The following MTMR3 variants were observed in gnomAD, a reference collection of about 807,000 sequenced individuals.
MTMR3 encodes the protein myotubularin related protein 3.
A neutral mutation model predicts 132.4 loss-of-function variants in MTMR3; 32 were observed. The ratio of observed to expected loss-of-function variants is 0.24; its 90% CI spans 0.18 to 0.32. The LOEUF (loss-of-function observed/expected upper bound fraction) is 0.32, where lower values mean the gene tolerates loss of function less well. Ranked by LOEUF, MTMR3 falls within the 10% of genes least tolerant of loss-of-function variation. MTMR3 has a pLI of 1.00. For missense variants in MTMR3, 1,216 were observed against 1,489.6 expected, an observed-to-expected ratio of 0.82 and a Z score of 3.02; for synonymous variants, 556 against 550.3, an observed-to-expected ratio of 1.01 and a Z score of -0.14.
intron 1 of MTMR3, among the ~76,000 whole-genome samples, chr22:29,935,281 C>A (rs1431911507): frequency 6.6e-6 from 1 of 152,128 alleles, no homozygotes; most frequent in Non-Finnish European, 1.5e-5. Flanking sequence ...TGTTTATTAG[C>A]TCACTTAATT....
intron 1 of MTMR3, among the ~76,000 whole-genome samples, chr22:29,915,990 C>G (rs200553818): frequency 6.6e-6 from 1 of 152,142 alleles, no homozygotes; most frequent in Non-Finnish European, 1.5e-5. Flanking sequence ...AAATTATATA[C>G]CACTTAATGT....
At chr22:29,936,000 C>T (rs2065743610) in intron 1 of MTMR3, among the ~76,000 whole-genome samples, 1 of 151,452 alleles carries the variant, frequency 6.6e-6, no homozygotes, top group Admixed American at 6.6e-5. Context: ...GATCCGCCCT[C>T]TTTGGCCTCC....
chr22:30,026,687 C>T lies in MTMR3; in HGVS notation c.*886C>T, dbSNP rs2145993028. On this transcript the variant is annotated 3_prime_UTR_variant, in exon 20 of 20. Coordinates refer to ENST00000401950, the MANE Select transcript of MTMR3 (RefSeq NM_021090.4). Reference sequence around the variant, plus strand: ...GCCCAGACACACCTGGGTCCCCATTCTGGGGCCTGGTCCCCTAAACAATCT... The same window carrying T: ...GCCCAGACACACCTGGGTCCCCATTTTGGGGCCTGGTCCCCTAAACAATCT... 6.5e-6 allele frequency: 1 copy of T among 153,040 alleles called. No homozygotes were observed. Among genetic ancestry groups the T allele is most frequent in the African/African-American group, 2.4e-5 (1 of 41,570 alleles). 9.5% of individuals were successfully genotyped at this position (153,040 alleles called of 1,614,324 possible). A position where few individuals can be genotyped will look rare whatever the true frequency, so the allele number is the denominator to read the frequency against.
chr22:29,987,886 G>A (rs2066888960), intron 5 of MTMR3: 1 of 152,126 alleles, frequency 6.6e-6, no homozygotes, highest in Non-Finnish European at 1.5e-5. Flanking sequence ...CCTCCTTTTT[G>A]ATACTTTTGG....
intron 1 of MTMR3, among the ~76,000 whole-genome samples, chr22:29,883,933 CG>C (rs2064608866): frequency 6.6e-6 from 1 of 152,128 alleles, no homozygotes; most frequent in South Asian, 2.1e-4. Context: ...GGGCGGTTGG[CG>C]TAACTGAGGG....
At chr22:30,019,232 G>A (rs1666292693) in intron 16 of MTMR3, 1 of 406,542 alleles carries the variant, frequency 2.5e-6, no homozygotes, top group Admixed American at 4.0e-5. Context: ...AATAGCACTT[G>A]CTGTTAGCTC....
chr22:29,980,909 C>T (rs970368502), intron 5 of MTMR3: 7 of 152,240 alleles, frequency 4.6e-5, no homozygotes, highest in African/African-American at 1.4e-4. Flanking sequence ...CCAAGGATCA[C>T]AGCTTCCCTC....
At chr22:29,943,515 C>T (rs913460962) in intron 1 of MTMR3, among the ~76,000 whole-genome samples, 1 of 151,930 alleles carries the variant, frequency 6.6e-6, no homozygotes, top group East Asian at 1.9e-4. Flanking sequence ...TTCTTGTCTA[C>T]GTTTGCCACT....
chr22:29,955,238 G>T (rs2066164798), intron 1 of MTMR3, among the ~76,000 whole-genome samples: 1 of 152,130 alleles, frequency 6.6e-6, no homozygotes, highest in African/African-American at 2.4e-5. Flanking sequence ...TCCTGCCTCA[G>T]CCTCCCAAAG....
At chr22:29,917,070 A>G (rs1477199539) in intron 1 of MTMR3, among the ~76,000 whole-genome samples, 1 of 152,220 alleles carries the variant, frequency 6.6e-6, no homozygotes, top group Admixed American at 6.5e-5. Context: ...GGTATTTACT[A>G]GAATGTGGAA....
chr22:29,936,100 A>G (rs190785006), intron 1 of MTMR3, among the ~76,000 whole-genome samples: 45 of 152,086 alleles, frequency 3.0e-4, no homozygotes, highest in Admixed American at 1.6e-3. Flanking sequence ...GACAAAACCA[A>G]CTATCCTTCT....
chr22:29,896,374 G>A (rs571846092), intron 1 of MTMR3, among the ~76,000 whole-genome samples: 1 of 152,168 alleles, frequency 6.6e-6, no homozygotes, highest in East Asian at 1.9e-4. Context: ...TGCCAAACAA[G>A]GGTAGAATGG....
chr22:29,888,539 A>G (rs556846695), intron 1 of MTMR3, among the ~76,000 whole-genome samples: 1 of 152,334 alleles, frequency 6.6e-6, no homozygotes, highest in South Asian at 2.1e-4. Context: ...CCTCATAGCT[A>G]TGTTCTGAAC....
At chr22:29,928,717 G>A (rs2065577927) in intron 1 of MTMR3, among the ~76,000 whole-genome samples, 1 of 151,966 alleles carries the variant, frequency 6.6e-6, no homozygotes, top group African/African-American at 2.4e-5. Flanking sequence ...GTCTCGGCAT[G>A]TTGCCTAGGC....
chr22:30,016,871 G>GGT (rs1305675403), intron 15 of MTMR3, 173 bp downstream of exon 15: 2 of 732,556 alleles, frequency 2.7e-6, no homozygotes, highest in Non-Finnish European at 4.3e-6. Context: ...TGCTTCTGAT[G>GGT]GTGCTCTGAT....
At chr22:29,905,556 AG>A (rs1330908926) in intron 1 of MTMR3, among the ~76,000 whole-genome samples, 1 of 152,198 alleles carries the variant, frequency 6.6e-6, no homozygotes. Flanking sequence ...TATAAGTTAC[AG>A]GGTTGTATCT....
At chr22:29,999,307 T>C (rs945467096) in intron 8 of MTMR3, 3 of 152,300 alleles carry the variant, frequency 2.0e-5, no homozygotes, top group Non-Finnish European at 4.4e-5. Flanking sequence ...GAGTATCCCT[T>C]ATCTGAAATT....
chr22:29,892,163 A>T (rs2064812728), intron 1 of MTMR3, among the ~76,000 whole-genome samples: 1 of 152,120 alleles, frequency 6.6e-6, no homozygotes, highest in Admixed American at 6.6e-5. Flanking sequence ...AAAAAAAAAA[A>T]AATGTCCCAT....
intron 1 of MTMR3, among the ~76,000 whole-genome samples, chr22:29,889,308 G>A (rs1238523900): frequency 2.1e-5 from 2 of 97,504 alleles, no homozygotes; most frequent in Non-Finnish European, 4.0e-5. Flanking sequence ...TTTTTTTTTA[G>A]ATGGCGTCTC....
Sources: allele counts gnomAD v4.1 joint callset (sites outside exome capture counted in the v4.1 genomes callset), GRCh38; gene constraint gnomAD v4.1.1; transcripts MANE v1.5; gene names NCBI Gene and HGNC (gene_info 2026-07-23, HGNC 2026-07-21).